Variants in LRRC4C observed in about 807,000 individuals in gnomAD.
LRRC4C encodes leucine rich repeat containing 4C.
LRRC4C carries 5 observed loss-of-function variants against 33.6 expected under a neutral mutation model. That is an observed-to-expected ratio of 0.15 (90% CI 0.08 to 0.31). LRRC4C has a LOEUF of 0.31. LRRC4C is among the 10% of genes least tolerant of loss of function. The pLI, the probability that LRRC4C is intolerant of heterozygous loss-of-function variation, is 1.00. For missense variants in LRRC4C, 560 were observed against 796.7 expected (o/e 0.70, Z 3.58); for synonymous variants, 329 against 302.0 (o/e 1.09, Z -0.93).
intron 1 of LRRC4C, among the ~76,000 whole-genome samples, chr11:41,315,770 A>T (rs1950768313): frequency 6.6e-6 from 1 of 152,238 alleles, no homozygotes; most frequent in South Asian, 2.1e-4. Flanking sequence ...GATAGCTGAC[A>T]TGAGAAAACA....
intron 3 of LRRC4C, among the ~76,000 whole-genome samples, chr11:40,388,871 C>G (rs762497926): frequency 6.6e-6 from 1 of 152,082 alleles, no homozygotes; most frequent in Non-Finnish European, 1.5e-5. Context: ...GTTCAGAGGA[C>G]GAGGTACTGC....
intron 2 of LRRC4C, among the ~76,000 whole-genome samples, chr11:40,903,293 C>A (rs1956286047): frequency 6.6e-6 from 1 of 152,132 alleles, no homozygotes; most frequent in South Asian, 2.1e-4. Flanking sequence ...AATGTTGAGA[C>A]CTACTGCTAA....
chr11:41,036,573 T>C (rs61876998), intron 1 of LRRC4C, among the ~76,000 whole-genome samples: 4,083 of 152,260 alleles, frequency 0.027, 54 homozygotes, highest in Middle Eastern at 0.044. Flanking sequence ...AAGTTTAAAT[T>C]AGATTTTTGT....
chr11:40,650,552 G>T (rs1177818609), intron 2 of LRRC4C, among the ~76,000 whole-genome samples: 1 of 152,100 alleles, frequency 6.6e-6, no homozygotes, highest in Non-Finnish European at 1.5e-5. Context: ...ATGAGATGCT[G>T]CCCAATTCAT....
intron 1 of LRRC4C, among the ~76,000 whole-genome samples, chr11:41,116,728 T>A (rs977243245): frequency 6.6e-6 from 1 of 152,302 alleles, no homozygotes; most frequent in Admixed American, 6.5e-5. Flanking sequence ...GATGATATTT[T>A]AATGTATCAT....
intron 3 of LRRC4C, among the ~76,000 whole-genome samples, chr11:40,591,026 G>T (rs1286373156): frequency 6.6e-6 from 1 of 152,154 alleles, no homozygotes; most frequent in Non-Finnish European, 1.5e-5. Flanking sequence ...CTTCCTGGCT[G>T]CTTTGTTTAC....
intron 1 of LRRC4C, among the ~76,000 whole-genome samples, chr11:40,998,428 A>G (rs61887619): frequency 0.12 from 17,785 of 152,082 alleles, 1,093 homozygotes; most frequent in Non-Finnish European, 0.13. Flanking sequence ...AAAATCTCAG[A>G]CTGTAAAAAA....
At chr11:41,279,425 CACA>C (rs1565542397) in intron 1 of LRRC4C, among the ~76,000 whole-genome samples, 11 of 144,554 alleles carry the variant, frequency 7.6e-5, no homozygotes, top group East Asian at 6.7e-4. Flanking sequence ...CACACACACA[CACA>C]CCGTGGCAAT....
At chr11:40,255,251 G>A (rs1475596093) in intron 4 of LRRC4C, among the ~76,000 whole-genome samples, 2 of 152,028 alleles carry the variant, frequency 1.3e-5, no homozygotes, top group South Asian at 2.1e-4. Flanking sequence ...GCCCAACCCC[G>A]ACGCAGTCTG....
At chr11:40,811,693 C>G (rs1490148062) in intron 2 of LRRC4C, among the ~76,000 whole-genome samples, 1 of 152,082 alleles carries the variant, frequency 6.6e-6, no homozygotes, top group African/African-American at 2.4e-5. Flanking sequence ...AGAAGGGTTT[C>G]ACCATGTTGC....
intron 3 of LRRC4C, among the ~76,000 whole-genome samples, chr11:40,463,267 G>T (rs1565413794): frequency 6.6e-6 from 1 of 150,874 alleles, no homozygotes. Context: ...AGGCATAGAA[G>T]TATTATTGGG....
At chr11:41,054,165 C>T (rs1858451292) in intron 1 of LRRC4C, among the ~76,000 whole-genome samples, 1 of 152,186 alleles carries the variant, frequency 6.6e-6, no homozygotes, top group Non-Finnish European at 1.5e-5. Flanking sequence ...AACCCCCATG[C>T]ACACAAATGA....
intron 3 of LRRC4C, among the ~76,000 whole-genome samples, chr11:40,580,893 C>G (rs1360653014): frequency 1.3e-5 from 2 of 152,180 alleles, no homozygotes; most frequent in African/African-American, 2.4e-5. Context: ...TGATAGCTAC[C>G]ATGGACTCAG....
chr11:40,987,172 T>C (rs989296602), intron 1 of LRRC4C, among the ~76,000 whole-genome samples: 1 of 152,162 alleles, frequency 6.6e-6, no homozygotes, highest in Non-Finnish European at 1.5e-5. Flanking sequence ...TTGGTACAAG[T>C]GGGATTCCAA....
intron 1 of LRRC4C, among the ~76,000 whole-genome samples, chr11:41,442,468 T>TTTTG (rs3040490): frequency 9.4e-6 from 1 of 106,538 alleles, no homozygotes; most frequent in Non-Finnish European, 1.9e-5. Flanking sequence ...CTTTTTTTTT[T>TTTTG]TTTTTTTTTT....
intron 1 of LRRC4C, among the ~76,000 whole-genome samples, chr11:41,149,409 A>G (rs1943884938): frequency 6.7e-6 from 1 of 148,618 alleles, no homozygotes; most frequent in African/African-American, 2.5e-5. Flanking sequence ...TGGGAGGCTG[A>G]GGCAGGAGAA....
At chr11:40,991,216 A>C (rs2137250501) in intron 1 of LRRC4C, among the ~76,000 whole-genome samples, 1 of 151,806 alleles carries the variant, frequency 6.6e-6, no homozygotes. Context: ...AAAAAAAAAA[A>C]AAAAAAAAAA....
intron 2 of LRRC4C, among the ~76,000 whole-genome samples, chr11:40,870,994 T>C (rs373599074): frequency 2.6e-5 from 4 of 152,238 alleles, no homozygotes; most frequent in South Asian, 4.1e-4. Flanking sequence ...GCCTCTGAAA[T>C]GGCCACTTCG....
At chr11:40,993,521 C>T (rs1020725114) in intron 1 of LRRC4C, among the ~76,000 whole-genome samples, 2 of 152,128 alleles carry the variant, frequency 1.3e-5, no homozygotes, top group African/African-American at 2.4e-5. Context: ...AATGAAAGGA[C>T]ACCTGCATTG....
Sources: allele counts gnomAD v4.1 joint callset (sites outside exome capture counted in the v4.1 genomes callset), GRCh38; gene constraint gnomAD v4.1.1; transcripts MANE v1.5; gene names NCBI Gene and HGNC (gene_info 2026-07-23, HGNC 2026-07-21).